The following ZBBX variants were observed in gnomAD, a reference collection of about 807,000 sequenced individuals.
ZBBX encodes zinc finger B-box domain containing.
In ZBBX, 101 loss-of-function variants were observed where a neutral mutation model predicts 108.5. The ratio of observed to expected loss-of-function variants is 0.93; its 90% CI spans 0.79 to 1.10. ZBBX has a LOEUF of 1.10. Ranked by LOEUF, ZBBX falls within the 50% of genes least tolerant of loss-of-function variation. The pLI, the probability that ZBBX is intolerant of heterozygous loss-of-function variation, is 0.00. For missense variants in ZBBX, 1,009 were observed against 941.4 expected, an observed-to-expected ratio of 1.07 and a Z score of -0.94; for synonymous variants, 356 against 323.4, an observed-to-expected ratio of 1.10 and a Z score of -1.08.
intron 17 of ZBBX, among the ~76,000 whole-genome samples, chr3:167,300,915 C>CT (rs59563822): frequency 0.085 from 11,642 of 136,452 alleles, 749 homozygotes; most frequent in African/African-American, 0.19. Flanking sequence ...TGTGCCTGGC[C>CT]TTTTTTTTTT....
rs555569764 is a variant in ZBBX at position 167,405,968 on chromosome 3, A to C, written c.-446+1758T>G. On this transcript the variant is annotated intron_variant, in intron 1 of 21. Transcript: ENST00000455345. ...GTAATCCCAGCTACTTGGGAGGCTA[A>C]GGCAGGAGAATCACTTGAACCCGGG... is the stretch of plus-strand genomic sequence containing the variant. Among the ~76,000 whole-genome samples, 94 of 151,964 alleles carry C rather than the reference A, an allele frequency of 6.2e-4. 1 individual carries two copies. The highest frequency in any genetic ancestry group is 6.8e-3 in the Middle Eastern group (2 of 294).
chr3:167,203,660 T>C, the ZBBX span, among the ~76,000 whole-genome samples: 5 of 152,170 alleles, frequency 3.3e-5, no homozygotes, highest in Non-Finnish European at 7.4e-5. Flanking sequence ...TAAGGAAGCA[T>C]ATAACAGTGA....
chr3:167,354,085 CACTT>C (rs1028799296), intron 8 of ZBBX, among the ~76,000 whole-genome samples: 1 of 151,984 alleles, frequency 6.6e-6, no homozygotes, highest in Non-Finnish European at 1.5e-5. Flanking sequence ...GTGCTCAAAA[CACTT>C]ACATTAGCCT....
rs1275857771 is a variant in ZBBX, at chr3:167,298,420, T to C, written c.1764A>G (p.Thr588=). 2 of 1,551,962 alleles carry C rather than the reference T, an allele frequency of 1.3e-6. No homozygotes were observed. The highest frequency in any genetic ancestry group is 2.7e-5 in the African/African-American group (2 of 73,416). ...ATCTCTCAAGTCCTTGATATTGTTT[T>C]GTTATAGGCTTACTTCTGCAGGCTA... ...QEIACRSKPI[T]KQYQGLERFF... Residue 588 remains threonine, a synonymous_variant, in exon 18 of 22, where the codon ACA becomes ACG. Coordinates refer to ENST00000675490, the MANE Select transcript of ZBBX (RefSeq NM_001199201.2).
chr3:167,313,909 T>G, intron 16 of ZBBX, 65 bp downstream of exon 16: 2 of 1,383,652 alleles, frequency 1.4e-6, no homozygotes, highest in South Asian at 1.8e-5. Context: ...AAAGCTTTTA[T>G]AGACTGCAAT....
chr3:167,183,021 G>A, the ZBBX span, among the ~76,000 whole-genome samples: 1 of 152,088 alleles, frequency 6.6e-6, no homozygotes, highest in African/African-American at 2.4e-5. Context: ...CAGTCACTGG[G>A]GCCGCTATTT....
intron 6 of ZBBX, among the ~76,000 whole-genome samples, chr3:167,364,040 T>C (rs1047665960): frequency 1.3e-5 from 2 of 152,004 alleles, no homozygotes; most frequent in African/African-American, 4.8e-5. Flanking sequence ...GTTAAGTGAA[T>C]GTTAATCTAT....
At position 167,308,876 on chromosome 3, in the gene ZBBX, T is replaced by A. The variant is rs188244631; in HGVS notation, c.1418-2926A>T. On this transcript the variant is annotated intron_variant, in intron 16 of 21. Coordinates refer to ENST00000675490, the MANE Select transcript of ZBBX (RefSeq NM_001199201.2). ...AAGGCTTAATAAATGGATGATGAAA[T>A]AATATGTACAACAAACCCCCATGAC... is the stretch of plus-strand genomic sequence containing the variant. 2.1e-3 allele frequency among the ~76,000 whole-genome samples: 326 copies of A among 152,080 alleles called. 1 individual carries two copies. Among genetic ancestry groups the A allele is most frequent in the Admixed American group, 3.4e-3 (52 of 15,274 alleles).
intron 3 of ZBBX, among the ~76,000 whole-genome samples, chr3:167,373,305 T>C (rs1483892023): frequency 6.6e-6 from 1 of 152,194 alleles, no homozygotes; most frequent in Non-Finnish European, 1.5e-5. Context: ...CTGAGCATCC[T>C]AGGATTTTGG....
intron 20 of ZBBX, among the ~76,000 whole-genome samples, chr3:167,255,124 C>A (rs1004898049): frequency 1.3e-5 from 2 of 151,946 alleles, no homozygotes; most frequent in Admixed American, 1.3e-4. Context: ...TCTATAAATT[C>A]TACCTGCAGG....
chr3:167,273,094 C>T (rs986430763), intron 20 of ZBBX, among the ~76,000 whole-genome samples: 1 of 152,154 alleles, frequency 6.6e-6, no homozygotes, highest in Non-Finnish European at 1.5e-5. Context: ...TCATTCTCTT[C>T]ACCCCCTTCC....
intron 2 of ZBBX, among the ~76,000 whole-genome samples, chr3:167,376,153 T>G (rs965130758): frequency 6.6e-6 from 1 of 152,188 alleles, no homozygotes; most frequent in East Asian, 1.9e-4. Context: ...CAACAAGAAA[T>G]AAAGATACCA....
Position 167,288,887 on chromosome 3 carries a change from C to G in ZBBX, c.1976G>C (p.Ser659Thr). ...GTTACCCATCTTTTGCTGTTTTCTA[C>G]TTGATGATGGACTCTGAGCACCCTG... ...VLQGAQSPSS[S>T]RKQQKMGQKS... is the part of the protein sequence containing the mutation. Residue 659 changes from serine (S) to threonine (T), a missense_variant, in exon 19 of 22, where the codon AGT becomes ACT. Physicochemically the swap from Ser to Thr is moderately conservative, Grantham distance 58 (BLOSUM62 1). Coordinates refer to ENST00000675490, the MANE Select transcript of ZBBX (RefSeq NM_001199201.2). 1 of 1,534,488 alleles carries G rather than the reference C, an allele frequency of 6.5e-7. No homozygotes were observed. The highest frequency in any genetic ancestry group is 8.8e-7 in the Non-Finnish European group (1 of 1,136,414).
chr3:167,347,168 C>A (rs1296562281), intron 9 of ZBBX, among the ~76,000 whole-genome samples: 2 of 151,794 alleles, frequency 1.3e-5, no homozygotes, highest in African/African-American at 4.8e-5. Context: ...GTACGTAGTA[C>A]AATTTGAAAT....
intron 1 of ZBBX, among the ~76,000 whole-genome samples, chr3:167,399,121 A>C (rs943755820): frequency 3.9e-5 from 6 of 151,916 alleles, no homozygotes; most frequent in Admixed American, 1.3e-4. Context: ...GCCTCTATTT[A>C]GTAAGAAAAA....
downstream of ZBBX, among the ~76,000 whole-genome samples, chr3:167,235,018 A>G (rs1468468813): frequency 2.6e-5 from 4 of 151,766 alleles, no homozygotes; most frequent in Non-Finnish European, 5.9e-5. Flanking sequence ...TTGAAATAAC[A>G]TAGTAAGATG....
In ZBBX at chr3:167,372,868, C is replaced by T. The variant is rs1432108606; in HGVS notation, c.34G>A (p.Gly12Arg). 2 of 1,598,654 alleles carry T rather than the reference C, an allele frequency of 1.3e-6. No homozygotes were observed. The highest frequency in any genetic ancestry group is 1.7e-6 in the Non-Finnish European group (2 of 1,171,286). ...NRKDFVVLPW[G>R]KPGNSVKLKY... is the part of the protein sequence containing the mutation. ...AGCTTTACAGAATTTCCAGGTTTTC[C>T]CCATGGAAGAACTACAAAATCTTTT... The change falls in exon 4 of 22, where the codon GGA (glycine) becomes AGA (arginine). Residue 12 changes from glycine (G) to arginine (R), a missense_variant. Transcript: ENST00000675490.
intron 1 of ZBBX, among the ~76,000 whole-genome samples, chr3:167,393,232 C>T (rs1560215825): frequency 6.6e-6 from 1 of 151,700 alleles, no homozygotes. Flanking sequence ...AGTCCCCCTG[C>T]CAGTCTGGAT....
intron 3 of ZBBX, 130 bp from the exon 4 acceptor site, chr3:167,373,080 C>G (rs1368318888): frequency 5.9e-6 from 3 of 509,934 alleles, no homozygotes; most frequent in Non-Finnish European, 1.0e-5. Flanking sequence ...AAAATTTAAA[C>G]AGCAAAAATT....
Sources: gnomAD v4.1 joint callset for allele counts (sites outside exome capture counted in the v4.1 genomes callset) on GRCh38, gnomAD v4.1.1 for gene constraint, MANE v1.5 for transcripts, NCBI Gene and HGNC (gene_info 2026-07-23, HGNC 2026-07-21) for gene names.